Variants in TBXAS1 observed in about 807,000 individuals in gnomAD.
TBXAS1 encodes the protein thromboxane A synthase 1.
A neutral mutation model predicts 60.7 loss-of-function variants in TBXAS1; 48 were observed. The observed-to-expected ratio is 0.79, with a 90% CI of 0.63 to 1.01. The LOEUF is 1.01. TBXAS1 is among the 50% of genes least tolerant of loss of function. The pLI, the probability that TBXAS1 is intolerant of heterozygous loss-of-function variation, is 0.00. For synonymous variants in TBXAS1, 287 were observed against 269.7 expected, an observed-to-expected ratio of 1.06 and a Z score of -0.63; for missense variants, 685 against 686.3, an observed-to-expected ratio of 1.00 and a Z score of 0.02.
At chr7:139,832,165 G>A (rs973501422) in intron 1 of TBXAS1, among the ~76,000 whole-genome samples, 1 of 152,140 alleles carries the variant, frequency 6.6e-6, no homozygotes, top group African/African-American at 2.4e-5. Context: ...AATACTGTGA[G>A]TGCCCCAACT....
At chr7:139,984,638 GA>G (rs1812227682) in intron 9 of TBXAS1, among the ~76,000 whole-genome samples, 1 of 121,666 alleles carries the variant, frequency 8.2e-6, no homozygotes, top group Non-Finnish European at 1.7e-5. Flanking sequence ...GAGAGAGAGA[GA>G]GAGAAAGAAA....
At chr7:139,945,037 G>A (rs908525263) in intron 5 of TBXAS1, among the ~76,000 whole-genome samples, 50 of 152,322 alleles carry the variant, frequency 3.3e-4, no homozygotes, top group Non-Finnish European at 1.2e-4. Context: ...GATATCTGGG[G>A]TTCCAATTCT....
At chr7:140,006,835 G>A (rs1289354909) in intron 9 of TBXAS1, among the ~76,000 whole-genome samples, 3 of 152,114 alleles carry the variant, frequency 2.0e-5, no homozygotes, top group Admixed American at 6.6e-5. Flanking sequence ...TGTGGTTGCC[G>A]CTGCAGTTTT....
intron 1 of TBXAS1, among the ~76,000 whole-genome samples, chr7:139,846,615 T>C (rs1438039114): frequency 6.6e-6 from 1 of 152,258 alleles, no homozygotes; most frequent in African/African-American, 2.4e-5. Context: ...TTTATCTAGT[T>C]ATTTTGTAAA....
intron 4 of TBXAS1, among the ~76,000 whole-genome samples, chr7:139,920,573 A>G (rs965603640): frequency 6.6e-6 from 1 of 152,222 alleles, no homozygotes; most frequent in African/African-American, 2.4e-5. Flanking sequence ...GATCATCCCA[A>G]GTCAAGCAGC....
intron 9 of TBXAS1, among the ~76,000 whole-genome samples, chr7:139,993,916 A>T (rs1253516410): frequency 8.6e-6 from 1 of 116,650 alleles, no homozygotes; most frequent in Non-Finnish European, 1.7e-5. Flanking sequence ...TTTTTTTGAG[A>T]CACAGTCTCA....
At position 139,896,946 on chromosome 7, in the gene TBXAS1, A is replaced by G. The variant is rs1287318056; in HGVS notation, c.237-14279A>G. 6.6e-6 allele frequency among the ~76,000 whole-genome samples: 1 copy of G among 152,046 alleles called. No homozygotes were observed. ...TACAAAGGTGATTGGCCTTGGCGGG[A>G]GGGTTGGTTTGGAGACAGAGAGCTT... is the stretch of plus-strand genomic sequence containing the variant. On this transcript the variant is annotated intron_variant, in intron 3 of 12. Coordinates refer to ENST00000448866, the MANE Select transcript of TBXAS1 (RefSeq NM_001061.7). This position sits in a 1 kb window ranked among gnomAD's most constrained non-coding sequence, Gnocchi z 4.0.
At chr7:139,912,188 C>T (rs1805578455) in intron 4 of TBXAS1, among the ~76,000 whole-genome samples, 1 of 152,030 alleles carries the variant, frequency 6.6e-6, no homozygotes, top group African/African-American at 2.4e-5. Flanking sequence ...GGAGGGGCTC[C>T]AGTGAGCTGA....
intron 3 of TBXAS1, among the ~76,000 whole-genome samples, chr7:139,878,163 G>C (rs559312572): frequency 3.3e-5 from 5 of 151,008 alleles, no homozygotes; most frequent in South Asian, 2.1e-4. Flanking sequence ...CAGAGAAAAA[G>C]AGAGAGAGAG....
chr7:139,785,804 T>C (rs1437784550), intron 3 of TBXAS1, among the ~76,000 whole-genome samples: 8 of 151,982 alleles, frequency 5.3e-5, no homozygotes, highest in Admixed American at 2.0e-4. Context: ...TCTCCCACTC[T>C]TGCATCTCGT....
At chr7:139,828,077 C>G (rs774219542), upstream of TBXAS1, among the ~76,000 whole-genome samples, 42 of 152,114 alleles carry the variant, frequency 2.8e-4, no homozygotes, top group Non-Finnish European at 3.8e-4. Flanking sequence ...AATATGTTTT[C>G]CAAGCTTTTA....
At chr7:139,969,457 CAAAAAAAAAAAAAA>C (rs71170928) in intron 9 of TBXAS1, among the ~76,000 whole-genome samples, 3 of 101,038 alleles carry the variant, frequency 3.0e-5, no homozygotes, top group East Asian at 5.7e-4. Context: ...TATGTGCTTA[CAAAAAAAAAAAAAA>C]AAAAAAAAAA....
chr7:139,925,751 C>T lies in TBXAS1; in HGVS notation c.334-10440C>T, dbSNP rs1806830155. Among the ~76,000 whole-genome samples the T allele has an allele frequency of 2.0e-5, 3 of 152,144 alleles. 1 individual carries two copies. In the South Asian group the frequency reaches 6.2e-4, roughly 31 times the overall value. ...CTTGGAGGAAAGGTTTTCAGTTTTT[C>T]CCCATTCAGTATGATACTAGCTGTG... On this transcript the variant is annotated intron_variant, in intron 4 of 12. Transcript: ENST00000448866.
intron 5 of TBXAS1, among the ~76,000 whole-genome samples, chr7:139,942,558 C>T (rs1366837984): frequency 6.6e-6 from 1 of 152,124 alleles, no homozygotes; most frequent in African/African-American, 2.4e-5. Context: ...TCTCAAAGCC[C>T]AATATAAATG....
chr7:139,872,970 C>T (rs1801934468), intron 2 of TBXAS1, among the ~76,000 whole-genome samples: 1 of 152,176 alleles, frequency 6.6e-6, no homozygotes, highest in Non-Finnish European at 1.5e-5. Context: ...AGTGCACTGT[C>T]AAATGATGGC....
intron 1 of TBXAS1, among the ~76,000 whole-genome samples, chr7:139,869,904 A>G (rs1584726744): frequency 6.6e-6 from 1 of 152,210 alleles, no homozygotes; most frequent in Non-Finnish European, 1.5e-5. Flanking sequence ...GTATGAAACA[A>G]GAGTGCAGAG....
chr7:139,823,145 A>G (rs958968999), intron 4 of TBXAS1, among the ~76,000 whole-genome samples: 1 of 151,540 alleles, frequency 6.6e-6, no homozygotes, highest in Non-Finnish European at 1.5e-5. Flanking sequence ...CTCAAATGTC[A>G]TTAGATTCAA....
At chr7:139,868,374 A>G (rs1801577247) in intron 1 of TBXAS1, among the ~76,000 whole-genome samples, 1 of 152,202 alleles carries the variant, frequency 6.6e-6, no homozygotes, top group South Asian at 2.1e-4. Context: ...TGACCCTGTA[A>G]GACTCACTCA....
intron 9 of TBXAS1, among the ~76,000 whole-genome samples, chr7:140,003,740 T>C (rs1330072311): frequency 1.3e-5 from 2 of 152,246 alleles, no homozygotes; most frequent in Non-Finnish European, 1.5e-5. Flanking sequence ...TTTTGAGATA[T>C]AGTTCCCTAT....
Sources: gnomAD v4.1 joint callset for allele counts (sites outside exome capture counted in the v4.1 genomes callset) on GRCh38, gnomAD v4.1.1 for gene constraint, Gnocchi (gnomAD v3.1) non-coding constraint, MANE v1.5 for transcripts, NCBI Gene and HGNC (gene_info 2026-07-23, HGNC 2026-07-21) for gene names.